Variants in FTO observed in about 807,000 individuals in gnomAD.
The protein encoded by FTO is alpha-ketoglutarate-dependent dioxygenase FTO.
FTO carries 47 observed loss-of-function variants against 63.9 expected under a neutral mutation model. The ratio of observed to expected loss-of-function variants is 0.74; its 90% CI spans 0.58 to 0.94. The LOEUF is 0.94. Ranked by LOEUF, FTO falls within the 40% of genes least tolerant of loss-of-function variation. The pLI, the probability that FTO is intolerant of heterozygous loss-of-function variation, is 0.00. For missense variants in FTO, 562 were observed against 618.1 expected, an observed-to-expected ratio of 0.91 and a Z score of 0.96; for synonymous variants, 207 against 224.4, an observed-to-expected ratio of 0.92 and a Z score of 0.69.
At chr16:53,792,034 C>T (rs1230237290) in intron 1 of FTO, among the ~76,000 whole-genome samples, 1 of 151,230 alleles carries the variant, frequency 6.6e-6, no homozygotes, top group Non-Finnish European at 1.5e-5. Flanking sequence ...CGAGATTGCG[C>T]CACTGCACTC....
chr16:54,093,452 C>T (rs765064543), intron 8 of FTO, among the ~76,000 whole-genome samples: 3 of 152,220 alleles, frequency 2.0e-5, no homozygotes, highest in African/African-American at 4.8e-5. Context: ...CCTGGCAGGC[C>T]GGGCACGGGG....
chr16:53,763,074 C>G (rs1001880786), intron 1 of FTO, among the ~76,000 whole-genome samples: 4 of 151,894 alleles, frequency 2.6e-5, no homozygotes, highest in African/African-American at 9.7e-5. Context: ...TAATAATGAT[C>G]CACAGAGAAA....
chr16:53,828,831 T>C (rs2079074446), intron 3 of FTO, among the ~76,000 whole-genome samples: 1 of 152,160 alleles, frequency 6.6e-6, no homozygotes, highest in Admixed American at 6.5e-5. Flanking sequence ...CTATGTGCAT[T>C]ATGAGCAGGT....
chr16:54,052,857 A>G (rs1164686495), intron 8 of FTO, among the ~76,000 whole-genome samples: 1 of 151,868 alleles, frequency 6.6e-6, no homozygotes, highest in Non-Finnish European at 1.5e-5. Flanking sequence ...ATGCCACCAC[A>G]CCCAGCTAAT....
At chr16:53,736,412 A>G (rs1183159016) in intron 1 of FTO, among the ~76,000 whole-genome samples, 1 of 151,364 alleles carries the variant, frequency 6.6e-6, no homozygotes, top group African/African-American at 2.4e-5. Flanking sequence ...ACCCAAGTCA[A>G]TATCGAGTTC....
chr16:53,887,578 G>T (rs1035929163), intron 6 of FTO, among the ~76,000 whole-genome samples: 5 of 152,206 alleles, frequency 3.3e-5, no homozygotes, highest in Admixed American at 2.0e-4. Context: ...CTGAAAATCT[G>T]AAATCTGAGG....
At chr16:53,869,310 T>C (rs1012711052) in intron 4 of FTO, among the ~76,000 whole-genome samples, 1 of 152,134 alleles carries the variant, frequency 6.6e-6, no homozygotes, top group African/African-American at 2.4e-5. Flanking sequence ...TTTTTCCTTC[T>C]GGCTTTTTCA....
chr16:53,704,895 A>G (rs2151444748), intron 1 of FTO, among the ~76,000 whole-genome samples: 1 of 152,358 alleles, frequency 6.6e-6, no homozygotes, highest in Non-Finnish European at 1.5e-5. Context: ...CAGATGGAGT[A>G]TAAATAACAG....
chr16:53,857,822 T>C (rs75917442), intron 4 of FTO, among the ~76,000 whole-genome samples: 2,070 of 152,312 alleles, frequency 0.014, 45 homozygotes, highest in African/African-American at 0.046. Context: ...CCTTTGCTCT[T>C]ATAAAGGTAT....
chr16:53,993,221 G>T (rs1179003813), intron 8 of FTO: 1 of 152,188 alleles, frequency 6.6e-6, no homozygotes, highest in Non-Finnish European at 1.5e-5. Context: ...ATTACTGTCG[G>T]TTCTTACAAC....
At chr16:53,876,389 G>A (rs1040868522) in intron 5 of FTO, among the ~76,000 whole-genome samples, 2 of 152,040 alleles carry the variant, frequency 1.3e-5, no homozygotes, top group Non-Finnish European at 2.9e-5. Context: ...TGGCTTTTTA[G>A]ATATGACATC....
intron 7 of FTO, among the ~76,000 whole-genome samples, chr16:53,891,756 A>G (rs148253101): frequency 6.6e-6 from 1 of 152,384 alleles, no homozygotes; most frequent in East Asian, 1.9e-4. Context: ...AGTTATATCT[A>G]TGTAAATTTG....
At chr16:53,724,787 A>G (rs958433703) in intron 1 of FTO, among the ~76,000 whole-genome samples, 1 of 152,206 alleles carries the variant, frequency 6.6e-6, no homozygotes, top group Non-Finnish European at 1.5e-5. Flanking sequence ...GTAAAGCCAC[A>G]GAGTCGGAAG....
At chr16:54,003,929 AGAACAGTACTCTCTGTCCTTT>A (rs1325164740) in intron 8 of FTO, among the ~76,000 whole-genome samples, 1 of 152,232 alleles carries the variant, frequency 6.6e-6, no homozygotes, top group Non-Finnish European at 1.5e-5. Flanking sequence ...TCTGAAACAG[AGAACAGTACTCTCTGTCCTTT>A]TAGTCCCTCA....
intron 8 of FTO, chr16:54,039,548 T>TA (rs2085022962): frequency 6.6e-6 from 1 of 152,214 alleles, no homozygotes; most frequent in South Asian, 2.1e-4. Flanking sequence ...TTCAACAGAC[T>TA]ACTACTAAGC....
rs10153203 is a variant in FTO at position 54,021,157 on chromosome 16, C to T, written c.1364+87048C>T. On this transcript the variant is annotated intron_variant, in intron 8 of 8. Transcript: ENST00000471389. ...TCTTTCTTCCCCTCAATTTCTATCC[C>T]TTCTTTTCTTTGTGCTTCTTCCACT... 5.9e-3 allele frequency among the ~76,000 whole-genome samples: 894 copies of T among 152,236 alleles called. 11 individuals carry two copies. The highest frequency in any genetic ancestry group is 0.02 in the African/African-American group (844 of 41,546).
At chr16:53,842,654 C>T (rs7205213) in intron 3 of FTO, among the ~76,000 whole-genome samples, 70,845 of 151,674 alleles carry the variant, frequency 0.47, 17,054 homozygotes, top group Middle Eastern at 0.56. Context: ...TCCAGAAATA[C>T]TATATGTGCT....
chr16:53,737,470 A>G (rs1458278009), intron 1 of FTO, among the ~76,000 whole-genome samples: 2 of 152,232 alleles, frequency 1.3e-5, no homozygotes, highest in African/African-American at 4.8e-5. Context: ...ACATTACTGT[A>G]CTGAATACTG....
At chr16:54,092,556 T>G (rs1270156625) in intron 8 of FTO, among the ~76,000 whole-genome samples, 1 of 152,198 alleles carries the variant, frequency 6.6e-6, no homozygotes, top group Non-Finnish European at 1.5e-5. Flanking sequence ...TGAGGAAAGA[T>G]CTCTAGATTC....
Sources: gnomAD v4.1 joint callset for allele counts (sites outside exome capture counted in the v4.1 genomes callset) on GRCh38, gnomAD v4.1.1 for gene constraint, MANE v1.5 for transcripts, NCBI Gene and HGNC (gene_info 2026-07-23, HGNC 2026-07-21) for gene names.